Variants in VAV2 observed in about 807,000 individuals in gnomAD.
The protein encoded by VAV2 is vav guanine nucleotide exchange factor 2.
In VAV2, 67 loss-of-function variants were observed where a neutral mutation model predicts 132.5. That is an observed-to-expected ratio of 0.51 (90% confidence interval 0.42 to 0.62). The LOEUF is 0.62. Ranked by LOEUF, VAV2 falls within the 20% of genes least tolerant of loss-of-function variation. The pLI is 0.00. For missense variants in VAV2, 938 were observed against 1,153.6 expected (o/e 0.81, Z 2.71); for synonymous variants, 492 against 443.5 (o/e 1.11, Z -1.37).
At chr9:133,960,500 T>G (rs1285152817) in intron 1 of VAV2, among the ~76,000 whole-genome samples, 6 of 152,186 alleles carry the variant, frequency 3.9e-5, no homozygotes, top group Admixed American at 1.3e-4. Flanking sequence ...GTCATGAAAG[T>G]GGCTCCTCAA....
At chr9:133,875,690 C>T (rs1468703850) in intron 2 of VAV2, among the ~76,000 whole-genome samples, 1 of 152,212 alleles carries the variant, frequency 6.6e-6, no homozygotes, top group Non-Finnish European at 1.5e-5. Context: ...CGCAGGAACA[C>T]ACGCGAGGCC....
In VAV2 at chr9:133,919,560, C is replaced by A. The variant is rs1156800843; in HGVS notation, c.321+19543G>T. Among the ~76,000 whole-genome samples, 1 of 152,192 alleles carries A rather than the reference C, an allele frequency of 6.6e-6. No individual in the cohort carries two copies. Among genetic ancestry groups the A allele is most frequent in the Non-Finnish European group, 1.5e-5 (1 of 68,040 alleles). On this transcript the variant is annotated intron_variant, in intron 2 of 29. Transcript: ENST00000371850. The surrounding 1 kb of genome is among the most constrained non-coding windows in gnomAD (Gnocchi z 5.8). ...TTCTAAGCCACGGGTCAAGGGCTGC[C>A]CACTCAGCAAGGGAAGCCACCAGGA... is the stretch of plus-strand genomic sequence containing the variant.
intron 29 of VAV2, among the ~76,000 whole-genome samples, chr9:133,765,915 T>G (rs1833414699): frequency 6.6e-6 from 1 of 152,082 alleles, no homozygotes; most frequent in South Asian, 2.1e-4. Context: ...TAAGTTGAAA[T>G]TTTGAAATTG....
intron 3 of VAV2, among the ~76,000 whole-genome samples, chr9:133,853,405 G>A (rs1335921178): frequency 6.6e-6 from 1 of 152,090 alleles, no homozygotes; most frequent in African/African-American, 2.4e-5. Flanking sequence ...CTAGTGCATG[G>A]AAAAGGAATC....
At chr9:133,765,896 T>C (rs981962381) in intron 29 of VAV2, among the ~76,000 whole-genome samples, 2 of 152,178 alleles carry the variant, frequency 1.3e-5, no homozygotes, top group African/African-American at 4.8e-5. Flanking sequence ...GGCAGGTTAC[T>C]GACACTTTTA....
intron 1 of VAV2, among the ~76,000 whole-genome samples, chr9:133,976,179 C>A (rs1842502874): frequency 6.6e-6 from 1 of 152,026 alleles, no homozygotes; most frequent in Non-Finnish European, 1.5e-5. Flanking sequence ...GCACTCCAGA[C>A]TGGGTGACAG....
chr9:133,924,837 T>C (rs1466578095), intron 2 of VAV2, among the ~76,000 whole-genome samples: 2 of 152,206 alleles, frequency 1.3e-5, no homozygotes, highest in African/African-American at 4.8e-5. Context: ...AACAGGTGCA[T>C]AGATGGACAA....
chr9:133,806,036 A>G (rs1835125022), intron 9 of VAV2, 45 bp downstream of exon 9: 2 of 1,582,192 alleles, frequency 1.3e-6, no homozygotes, highest in Admixed American at 1.7e-5. Flanking sequence ...ACTCTCCCGC[A>G]GACAGGGAGG....
rs549011236 is a variant in VAV2 at position 133,858,734 on chromosome 9, C to T, written c.380+2640G>A. ...TCTTGCAGATGTAAAAAGGGAGGCT[C>T]GGGGAGACATCTCCGGCATGAGGTC... On this transcript the variant is annotated intron_variant, in intron 3 of 29. Coordinates refer to ENST00000371850, the MANE Select transcript of VAV2 (RefSeq NM_001134398.2). Among the ~76,000 whole-genome samples, 7 of 152,280 alleles carry T rather than the reference C, an allele frequency of 4.6e-5. No individual in the cohort carries two copies. The South Asian group carries it at 6.2e-4, about 14-fold the overall frequency.
chr9:133,803,335 G>T lies in VAV2; in HGVS notation c.836+2746C>A, dbSNP rs149854128. The stretch of plus-strand genomic sequence containing the variant: ...TCGTGGCCTTCCTGCAGGGCTGCCA[G>T]CTCCCCGAGGTCGTTCCCTTTCTAG... On this transcript the variant is annotated intron_variant, in intron 9 of 29. Transcript: ENST00000371850. Among the ~76,000 whole-genome samples the T allele has an allele frequency of 7.7e-3, 1,170 of 152,266 alleles. 25 individuals carry two copies. The highest frequency in any genetic ancestry group is 0.043 in the Admixed American group (660 of 15,294).
intron 17 of VAV2, 91 bp from the exon 18 acceptor site, chr9:133,784,509 C>T (rs1834141755): frequency 1.4e-6 from 2 of 1,408,316 alleles, no homozygotes; most frequent in East Asian, 2.3e-5. Flanking sequence ...GGGCTCCGGA[C>T]CCAGGCTGTG....
At chr9:133,852,406 G>A (rs902166347) in intron 3 of VAV2, among the ~76,000 whole-genome samples, 1 of 151,896 alleles carries the variant, frequency 6.6e-6, no homozygotes, top group African/African-American at 2.4e-5. Flanking sequence ...GCAGAAGGGT[G>A]GGGGGAGTGC....
chr9:133,858,336 A>C (rs1355546020), intron 3 of VAV2, among the ~76,000 whole-genome samples: 2 of 152,058 alleles, frequency 1.3e-5, no homozygotes, highest in African/African-American at 2.4e-5. Context: ...GAGGACCCGC[A>C]CTCCAGGGCT....
intron 2 of VAV2, among the ~76,000 whole-genome samples, chr9:133,916,865 G>A (rs531780252): frequency 3.3e-5 from 5 of 152,238 alleles, no homozygotes; most frequent in South Asian, 2.1e-4. Flanking sequence ...AGAATGTCCC[G>A]GCTCTGCCAT....
rs982109800 is a variant in VAV2, at chr9:133,857,528, C to T, written c.380+3846G>A. ...GAAATGAGGGAGAGATTCTTCAGGG[C>T]TGTGGGCTTGGCTTGTGGGTTTTCA... On this transcript the variant is annotated intron_variant, in intron 3 of 29. Coordinates refer to ENST00000371850, the MANE Select transcript of VAV2 (RefSeq NM_001134398.2). This position sits in a 1 kb window ranked among gnomAD's most constrained non-coding sequence, Gnocchi z 4.0. 6.6e-6 allele frequency among the ~76,000 whole-genome samples: 1 copy of T among 152,200 alleles called. No individual in the cohort carries two copies. Among genetic ancestry groups the T allele is most frequent in the African/African-American group, 2.4e-5 (1 of 41,438 alleles).
intron 2 of VAV2, among the ~76,000 whole-genome samples, chr9:133,900,102 G>A (rs1277308272): frequency 2.6e-5 from 4 of 151,908 alleles, no homozygotes; most frequent in Non-Finnish European, 4.4e-5. Flanking sequence ...GGGAGGCGAA[G>A]GCAGGAAGGA....
chr9:133,990,840 T>C (rs1842991734), intron 1 of VAV2, among the ~76,000 whole-genome samples: 1 of 152,008 alleles, frequency 6.6e-6, no homozygotes, highest in African/African-American at 2.4e-5. Context: ...CAGGGAGGCC[T>C]CTGAGGGCTC....
chr9:133,861,149 C>T, intron 3 of VAV2: 4 of 478,100 alleles, frequency 8.4e-6, no homozygotes, highest in South Asian at 7.4e-5. Context: ...ATTTTGCAGC[C>T]GTCAGTAACA....
At chr9:133,820,306 TA>T (rs1201355758) in intron 4 of VAV2, among the ~76,000 whole-genome samples, 50 of 151,996 alleles carry the variant, frequency 3.3e-4, no homozygotes, top group African/African-American at 1.2e-3. Flanking sequence ...GCCATCTCCA[TA>T]AACAAGTTTC....
Sources: gnomAD v4.1 joint callset for allele counts (sites outside exome capture counted in the v4.1 genomes callset) on GRCh38, gnomAD v4.1.1 for gene constraint, Gnocchi (gnomAD v3.1) non-coding constraint, MANE v1.5 for transcripts, NCBI Gene and HGNC (gene_info 2026-07-23, HGNC 2026-07-21) for gene names.